PJVK: variants seen among roughly 807,000 people sequenced by gnomAD.
PJVK encodes the protein pejvakin.
A neutral mutation model predicts 37.6 loss-of-function variants in PJVK; 33 were observed. The observed-to-expected ratio is 0.88, with a 90% CI of 0.67 to 1.17. The LOEUF (loss-of-function observed/expected upper bound fraction) is 1.17, where lower values mean the gene tolerates loss of function less well. Ranked by LOEUF, PJVK falls within the 50% of genes most tolerant of loss-of-function variation. The pLI is 0.00. For synonymous variants in PJVK, 141 were observed against 143.5 expected (o/e 0.98, Z 0.13); for missense variants, 410 against 413.8 (o/e 0.99, Z 0.08).
At chr2:178,454,783 A>C in intron 3 of PJVK, 1 of 1,573,764 alleles carries the variant, frequency 6.4e-7, no homozygotes, top group Non-Finnish European at 8.7e-7. Flanking sequence ...CTGCAGCTAG[A>C]GATTGACCAG....
At chr2:178,457,222 G>A (rs1559369433) in intron 4 of PJVK, among the ~76,000 whole-genome samples, 1 of 152,126 alleles carries the variant, frequency 6.6e-6, no homozygotes, top group Non-Finnish European at 1.5e-5. Context: ...GTGAGCCACC[G>A]CGCCTGGCCT....
intron 2 of PJVK, chr2:178,454,061 G>A (rs934424226): frequency 2.0e-5 from 7 of 348,040 alleles, no homozygotes; most frequent in African/African-American, 4.3e-5. Context: ...ACTTATAAAC[G>A]CTTATTTTTT....
chr2:178,454,588 T>C, intron 3 of PJVK, 61 bp downstream of exon 3: 1 of 1,534,360 alleles, frequency 6.5e-7, no homozygotes, highest in Non-Finnish European at 8.9e-7. Flanking sequence ...GTATATAAAC[T>C]TCATTACAAA....
In PJVK at chr2:178,454,337, T is replaced by C. The variant is rs1477499168; in HGVS notation, c.217T>C (p.Ser73Pro). 6.2e-7 allele frequency: 1 copy of C among 1,612,310 alleles called. No individual in the cohort carries two copies. The highest frequency in any genetic ancestry group is 8.5e-7 in the Non-Finnish European group (1 of 1,178,906). Residue 73 changes from serine (S) to proline (P), a missense_variant, in exon 3 of 7, where the codon TCA (serine) becomes CCA (proline). Ser to Pro is a moderately conservative substitution (Grantham distance 74). Coordinates refer to ENST00000644580, the MANE Select transcript of PJVK (RefSeq NM_001042702.5). ...CTGAGTTTCTTCTTATAAAGGTATT[T>C]CATCTTATCAATTACTGAATTATGA... is the stretch of plus-strand genomic sequence containing the variant. ...LGDREISAGI[S>P]SYQLLNYEDE... is the part of the protein sequence containing the mutation.
At position 178,455,120 on chromosome 2, in the gene PJVK, G is replaced by A; in HGVS notation, c.407+593G>A. On this transcript the variant is annotated intron_variant, in intron 3 of 6. Coordinates refer to ENST00000644580, the MANE Select transcript of PJVK (RefSeq NM_001042702.5). The stretch of plus-strand genomic sequence containing the variant: ...GCTCTACAACGAAGTGAAGGCGGAG[G>A]AGAGCTCGTGGCTCATTGAGGACGG... 4 of 1,599,916 alleles carry A rather than the reference G, an allele frequency of 2.5e-6. No individual in the cohort carries two copies. In the South Asian group the frequency reaches 4.4e-5, roughly 18 times the overall value.
intron 1 of PJVK, chr2:178,452,597 A>G (rs1370772926): frequency 1.0e-6 from 1 of 985,284 alleles, no homozygotes; most frequent in Non-Finnish European, 1.2e-6. Flanking sequence ...CCACAAAATT[A>G]CTTAAAAACA....
chr2:178,460,455 A>G lies in PJVK; in HGVS notation c.766+9A>G. 5 of 1,607,190 alleles carry G rather than the reference A, an allele frequency of 3.1e-6. No homozygotes were observed. The highest frequency in any genetic ancestry group is 4.3e-6 in the Non-Finnish European group (5 of 1,173,778). On this transcript the variant is annotated intron_variant, in intron 6 of 6. Transcript: ENST00000644580. ...TATCCTATTTGAAAGAAGTATGTTT[A>G]TTGAAGAGTACTGTGAATGTCTTTT...
rs1266334584 is a variant in PJVK, at chr2:178,460,932, T to G, written c.767-50T>G. ...TTATTAATGCTGTTTGCATTATGTATTTTTCATTTTCACTTCTAACACATT... is the reference window on the plus strand; with the variant it reads ...TTATTAATGCTGTTTGCATTATGTAGTTTTCATTTTCACTTCTAACACATT... On this transcript the variant is annotated intron_variant, in intron 6 of 6. Coordinates refer to ENST00000644580, the MANE Select transcript of PJVK (RefSeq NM_001042702.5). 3 of 1,561,096 alleles carry G rather than the reference T, an allele frequency of 1.9e-6. No homozygotes were observed. In the Admixed American group the frequency reaches 5.0e-5, roughly 26 times the overall value.
Position 178,461,271 on chromosome 2 carries a change from A to G in PJVK, c.1056A>G (p.Lys352=), listed in dbSNP as rs1053865619. 3.1e-6 allele frequency: 5 copies of G among 1,613,936 alleles called. No individual in the cohort carries two copies. Among genetic ancestry groups the G allele is most frequent in the Non-Finnish European group, 4.2e-6 (5 of 1,180,032 alleles). ...PCFDIWHKRM[K] ...TTGATATTTGGCACAAGAGGATGAA[A>G]TAAAATGAAAAATGAATACACCGTG... The change falls in exon 7 of 7, where the codon AAA becomes AAG. Residue 352 remains lysine (K), a synonymous_variant. Transcript: ENST00000644580.
Position 178,457,184 on chromosome 2 carries a change from G to A in PJVK, c.549+1033G>A, listed in dbSNP as rs546733036. On this transcript the variant is annotated intron_variant, in intron 4 of 6. Coordinates refer to ENST00000644580, the MANE Select transcript of PJVK (RefSeq NM_001042702.5). ...CCTGACCTCGTGATCCGCTAGCCTC[G>A]GCCTCCCAAAATGCTGGGATTACAG... Among the ~76,000 whole-genome samples, 11 of 152,232 alleles carry A rather than the reference G, an allele frequency of 7.2e-5. No individual in the cohort carries two copies. The South Asian group carries it at 1.9e-3, about 26-fold the overall frequency.
intron 1 of PJVK, chr2:178,453,064 C>A: frequency 3.2e-6 from 1 of 317,386 alleles, no homozygotes; most frequent in South Asian, 2.8e-5. Context: ...TAAAATTGGC[C>A]CATTGCCAGT....
intron 2 of PJVK, chr2:178,453,903 G>T: frequency 5.4e-6 from 2 of 372,054 alleles, no homozygotes; most frequent in South Asian, 5.7e-5. Flanking sequence ...CTATAAAATG[G>T]GATATTATTT....
Position 178,455,994 on chromosome 2 carries a change from A to G in PJVK, c.408-16A>G, listed in dbSNP as rs1684048476. On this transcript the variant is annotated splice_polypyrimidine_tract_variant and intron_variant, in intron 3 of 6. Coordinates refer to ENST00000644580, the MANE Select transcript of PJVK (RefSeq NM_001042702.5). Reference sequence around the variant, plus strand: ...AGATGTTATAGAGTCTTGTGAATGTATCTTCTTTATTTTAGAAAAATTAAC... The same window carrying G: ...AGATGTTATAGAGTCTTGTGAATGTGTCTTCTTTATTTTAGAAAAATTAAC... 5 of 1,613,082 alleles carry G rather than the reference A, an allele frequency of 3.1e-6. No homozygotes were observed. The South Asian group carries it at 3.3e-5, about 11-fold the overall frequency.
At position 178,452,179 on chromosome 2, in the gene PJVK, G is replaced by C. The variant is rs565126427; in HGVS notation, c.-23+410G>C. 12 of 546,814 alleles carry C rather than the reference G, an allele frequency of 2.2e-5. No homozygotes were observed. In the South Asian group the frequency reaches 8.7e-4, roughly 40 times the overall value. 33.9% of individuals were successfully genotyped at this position (546,814 alleles called of 1,614,324 possible). A position where few individuals can be genotyped will look rare whatever the true frequency, so the allele number is the denominator to read the frequency against. ...GTGGTGGCATGCGCCTGTAATCCCAGCTACTCGGGAGGCTAAAGCAGGAGA... is the reference window on the plus strand; with the variant it reads ...GTGGTGGCATGCGCCTGTAATCCCACCTACTCGGGAGGCTAAAGCAGGAGA... On this transcript the variant is annotated intron_variant, in intron 1 of 6. Coordinates refer to ENST00000644580, the MANE Select transcript of PJVK (RefSeq NM_001042702.5).
chr2:178,453,164 C>G, intron 1 of PJVK: 1 of 471,902 alleles, frequency 2.1e-6, no homozygotes, highest in Non-Finnish European at 3.9e-6. Context: ...GTGCTATAGC[C>G]TGCCATTCCA....
At chr2:178,453,806 C>T (rs976095821) in intron 2 of PJVK, 186 bp downstream of exon 2, 9 of 548,052 alleles carry the variant, frequency 1.6e-5, no homozygotes, top group East Asian at 3.3e-5. Flanking sequence ...TATCAAATCT[C>T]TTATTGGTCA....
intron 3 of PJVK, chr2:178,455,191 G>GT: frequency 6.3e-7 from 1 of 1,589,092 alleles, no homozygotes; most frequent in East Asian, 2.2e-5. Context: ...AGATGGAGTG[G>GT]TGGAGCCGCT....
chr2:178,458,413 T>C, intron 4 of PJVK, 97 bp from the exon 5 acceptor site: 2 of 1,043,208 alleles, frequency 1.9e-6, no homozygotes, highest in Non-Finnish European at 2.8e-6. Flanking sequence ...ATTTTTTGTT[T>C]TGTTTTTGGT....
At chr2:178,458,019 A>G (rs1483007916) in intron 4 of PJVK, among the ~76,000 whole-genome samples, 1 of 152,224 alleles carries the variant, frequency 6.6e-6, no homozygotes. Context: ...TTTGCAAATA[A>G]AAGTTATTTT....
Sources: gnomAD v4.1 joint callset for allele counts (sites outside exome capture counted in the v4.1 genomes callset) on GRCh38, gnomAD v4.1.1 for gene constraint, MANE v1.5 for transcripts, NCBI Gene and HGNC (gene_info 2026-07-23, HGNC 2026-07-21) for gene names.